ITGA9: variants seen among roughly 807,000 people sequenced by gnomAD.
The protein encoded by ITGA9 is integrin alpha-9.
A neutral mutation model predicts 127.8 loss-of-function variants in ITGA9; 56 were observed. The observed-to-expected ratio is 0.44, with a 90% CI of 0.35 to 0.55. The LOEUF (loss-of-function observed/expected upper bound fraction) is 0.55, where lower values mean the gene tolerates loss of function less well. Among genes scored for constraint, ITGA9 ranks in the 20% least tolerant of loss-of-function variants. ITGA9 has a pLI of 0.00. For missense variants in ITGA9, 1,196 were observed against 1,347.1 expected (o/e 0.89, Z 1.76); for synonymous variants, 508 against 514.5 (o/e 0.99, Z 0.17).
chr3:37,641,532 A>G (rs1024488309), intron 16 of ITGA9, among the ~76,000 whole-genome samples: 2 of 152,058 alleles, frequency 1.3e-5, no homozygotes, highest in African/African-American at 4.8e-5. Context: ...CCGCACCACC[A>G]TGAGCCCAGA....
intron 15 of ITGA9, among the ~76,000 whole-genome samples, chr3:37,581,474 T>G (rs1559541680): frequency 1.3e-5 from 2 of 152,202 alleles, no homozygotes; most frequent in African/African-American, 2.4e-5. Context: ...GCTGGATTCA[T>G]GACTATCTGG....
chr3:37,776,014 A>C (rs1278649312), intron 23 of ITGA9, among the ~76,000 whole-genome samples: 2 of 152,366 alleles, frequency 1.3e-5, no homozygotes, highest in South Asian at 2.1e-4. Context: ...AAAAAGAATG[A>C]GATCATGCCC....
At chr3:37,580,346 T>A (rs1250646904) in intron 15 of ITGA9, among the ~76,000 whole-genome samples, 1 of 152,226 alleles carries the variant, frequency 6.6e-6, no homozygotes, top group Non-Finnish European at 1.5e-5. Context: ...AAGGCGGGGC[T>A]TTCCCTTTTG....
At chr3:37,712,597 G>T (rs1166825805) in intron 18 of ITGA9, among the ~76,000 whole-genome samples, 2 of 152,168 alleles carry the variant, frequency 1.3e-5, no homozygotes, top group African/African-American at 4.8e-5. Flanking sequence ...TTGGACCTCT[G>T]GAAGTTGTCA....
At chr3:37,686,638 A>T (rs538531954) in intron 18 of ITGA9, among the ~76,000 whole-genome samples, 1 of 152,246 alleles carries the variant, frequency 6.6e-6, no homozygotes, top group East Asian at 1.9e-4. Context: ...AAGGAACCCT[A>T]GGTTTCAGTT....
intron 15 of ITGA9, among the ~76,000 whole-genome samples, chr3:37,627,762 G>T: frequency 6.6e-6 from 1 of 152,216 alleles, no homozygotes; most frequent in East Asian, 1.9e-4. Context: ...GTCAGCAAGG[G>T]CATCCATATA....
At chr3:37,618,744 C>T (rs946898902) in intron 15 of ITGA9, among the ~76,000 whole-genome samples, 7 of 152,230 alleles carry the variant, frequency 4.6e-5, no homozygotes, top group African/African-American at 9.7e-5. Flanking sequence ...GCTCCGTGGG[C>T]GTAGGACTCT....
intron 23 of ITGA9, among the ~76,000 whole-genome samples, chr3:37,771,146 A>C (rs968699246): frequency 6.6e-6 from 1 of 152,168 alleles, no homozygotes; most frequent in African/African-American, 2.4e-5. Context: ...CTGGGAAATA[A>C]ATGAGGACTG....
At chr3:37,601,436 T>G (rs768697966) in intron 15 of ITGA9, among the ~76,000 whole-genome samples, 3 of 152,206 alleles carry the variant, frequency 2.0e-5, no homozygotes, top group Non-Finnish European at 4.4e-5. Context: ...CCAGGTGTTA[T>G]TCCCAGAGGG....
intron 15 of ITGA9, among the ~76,000 whole-genome samples, chr3:37,618,734 G>T (rs1209476754): frequency 6.6e-6 from 1 of 152,224 alleles, no homozygotes; most frequent in Non-Finnish European, 1.5e-5. Flanking sequence ...AATGAGCAAG[G>T]CTCCGTGGGC....
Position 37,533,494 on chromosome 3 carries a change from A to C in ITGA9, c.1528+26A>C, listed in dbSNP as rs751126934. The C allele has an allele frequency of 8.7e-6, 14 of 1,612,058 alleles. No individual in the cohort carries two copies. In the East Asian group the frequency reaches 2.9e-4, roughly 33 times the overall value. On this transcript the variant is annotated intron_variant, in intron 14 of 27. Coordinates refer to ENST00000264741, the MANE Select transcript of ITGA9 (RefSeq NM_002207.3). ...GTAATGAGCCACCAAGTCAGGGCTCAGGATACCCGTTTAGCTGGAGTGGGC... is the reference window on the plus strand; with the variant it reads ...GTAATGAGCCACCAAGTCAGGGCTCCGGATACCCGTTTAGCTGGAGTGGGC...
rs143483446 is a variant in ITGA9 at position 37,713,606 on chromosome 3, A to G, written c.2068-19106A>G. On this transcript the variant is annotated intron_variant, in intron 18 of 27. Coordinates refer to ENST00000264741, the MANE Select transcript of ITGA9 (RefSeq NM_002207.3). ...GAGCTGGGGAGGGGGTGCGGGAGGTACTTTCAGCACTCCCTCGTGAGATCA... is the reference window on the plus strand; with the variant it reads ...GAGCTGGGGAGGGGGTGCGGGAGGTGCTTTCAGCACTCCCTCGTGAGATCA... 2.5e-4 allele frequency among the ~76,000 whole-genome samples: 38 copies of G among 152,300 alleles called. No individual in the cohort carries two copies. In the East Asian group the frequency reaches 6.4e-3, roughly 26 times the overall value.
chr3:37,656,081 T>G (rs1700474796), intron 17 of ITGA9, among the ~76,000 whole-genome samples: 1 of 152,212 alleles, frequency 6.6e-6, no homozygotes, highest in Non-Finnish European at 1.5e-5. Context: ...TACCATGCTG[T>G]TTTGGTTACT....
Position 37,819,064 on chromosome 3 carries a change from A to G in ITGA9, c.*75A>G. The G allele has an allele frequency of 1.7e-6, 2 of 1,153,720 alleles. No individual in the cohort carries two copies. Among genetic ancestry groups the G allele is most frequent in the Admixed American group, 1.8e-5 (1 of 55,822 alleles). The allele number at this position is 1,153,720 out of a possible 1,614,324, so 71.5% of individuals were successfully genotyped here. On this transcript the variant is annotated 3_prime_UTR_variant, in exon 28 of 28. Transcript: ENST00000264741. ...TTTGTATCTTCCATATTTGGAAGAA[A>G]AAAATCTTCTCCAGATTTTTCGGAG...
chr3:37,470,969 C>A, intron 1 of ITGA9, 38 bp from the exon 2 acceptor site: 1 of 1,612,922 alleles, frequency 6.2e-7, no homozygotes, highest in Non-Finnish European at 8.5e-7. Flanking sequence ...ATTTTCTTAT[C>A]GTAGGTTGTG....
At chr3:37,714,007 G>C (rs548463516) in intron 18 of ITGA9, among the ~76,000 whole-genome samples, 2 of 152,262 alleles carry the variant, frequency 1.3e-5, no homozygotes, top group Middle Eastern at 3.2e-3. Context: ...GCAGTGTCAA[G>C]GGGACAGTGG....
At chr3:37,696,445 A>T (rs987128662) in intron 18 of ITGA9, among the ~76,000 whole-genome samples, 1 of 152,232 alleles carries the variant, frequency 6.6e-6, no homozygotes, top group Non-Finnish European at 1.5e-5. Flanking sequence ...AAATGAAGCC[A>T]TTTCAACGAT....
intron 14 of ITGA9, among the ~76,000 whole-genome samples, chr3:37,536,245 T>G (rs1181908251): frequency 6.6e-6 from 1 of 152,222 alleles, no homozygotes; most frequent in Non-Finnish European, 1.5e-5. Flanking sequence ...CTTCCTACTC[T>G]TTGTGCTGGC....
At chr3:37,513,646 C>A in intron 8 of ITGA9, 117 bp from the exon 9 acceptor site, 1 of 1,080,294 alleles carries the variant, frequency 9.3e-7, no homozygotes, top group Non-Finnish European at 1.3e-6. Context: ...TCCATGTGTT[C>A]TCATTGTTCA....
Sources: allele counts gnomAD v4.1 joint callset (sites outside exome capture counted in the v4.1 genomes callset), GRCh38; gene constraint gnomAD v4.1.1; transcripts MANE v1.5; gene names NCBI Gene and HGNC (gene_info 2026-07-23, HGNC 2026-07-21).